Variants in PES1 observed in about 807,000 individuals in gnomAD.
The protein encoded by PES1 is pescadillo homolog.
A neutral mutation model predicts 77.1 loss-of-function variants in PES1; 31 were observed. That is an observed-to-expected ratio of 0.40 (90% confidence interval 0.30 to 0.54). The LOEUF is 0.54. PES1 is among the 20% of genes least tolerant of loss of function. The pLI is 0.45. For synonymous variants in PES1, 282 were observed against 303.0 expected (o/e 0.93, Z 0.72); for missense variants, 658 against 771.7 (o/e 0.85, Z 1.75).
intron 4 of PES1, among the ~76,000 whole-genome samples, chr22:30,586,691 C>G (rs1000268704): frequency 1.3e-5 from 2 of 152,142 alleles, no homozygotes; most frequent in Non-Finnish European, 2.9e-5. Context: ...AGGCTGAGTG[C>G]GGTGACTCAC....
Position 30,579,272 on chromosome 22 carries a change from TTCC to T in PES1, c.1383_1385del (p.Glu463del), listed in dbSNP as rs769114081. The T allele has an allele frequency of 1.9e-5, 30 of 1,601,440 alleles. No homozygotes were observed. The highest frequency in any genetic ancestry group is 1.7e-4 in the African/African-American group (13 of 74,926). The stretch of plus-strand genomic sequence containing the variant: ...CATCACCTTCGTTGTTGTCGTCCTC[TTCC>T]TCCTCCTCTTCTGACTCATTCAGGT... On this transcript the variant is annotated inframe_deletion, in exon 13 of 15. Transcript: ENST00000354694.
At position 30,581,421 on chromosome 22, in the gene PES1, G is replaced by C. The variant is rs376693113; in HGVS notation, c.748-13C>G. The C allele has an allele frequency of 4.3e-6, 7 of 1,613,420 alleles. No homozygotes were observed. In the African/African-American group the frequency reaches 6.7e-5, roughly 15 times the overall value. ...CCTGACCCTCGAGCTAGTAGGCAAA[G>C]GGAAGGTCAGGAGGCAGAGGACAGC... On this transcript the variant is annotated splice_polypyrimidine_tract_variant and intron_variant, in intron 7 of 14. Coordinates refer to ENST00000354694, the MANE Select transcript of PES1 (RefSeq NM_014303.4).
chr22:30,599,697 C>A (rs997441052), intron 2 of PES1, among the ~76,000 whole-genome samples: 1 of 150,350 alleles, frequency 6.7e-6, no homozygotes, highest in African/African-American at 2.5e-5. Context: ...GTTGGGAGAT[C>A]AAGACCAGCC....
At chr22:30,605,684 C>T (rs1351394543) in intron 1 of PES1, among the ~76,000 whole-genome samples, 1 of 152,194 alleles carries the variant, frequency 6.6e-6, no homozygotes, top group Non-Finnish European at 1.5e-5. Context: ...CACTGGCCTC[C>T]CTCCTTCCTC....
chr22:30,593,889 CAG>C (rs2087220056), upstream of PES1, among the ~76,000 whole-genome samples: 1 of 152,202 alleles, frequency 6.6e-6, no homozygotes, highest in African/African-American at 2.4e-5. Flanking sequence ...AGTCTGGTTT[CAG>C]AGTCCTCTGC....
rs1168831242 is a variant in PES1 at position 30,580,645 on chromosome 22, G to A, written c.969C>T (p.His323=). The A allele has an allele frequency of 1.2e-6, 2 of 1,613,586 alleles. No homozygotes were observed. Among genetic ancestry groups the A allele is most frequent in the Non-Finnish European group, 8.5e-7 (1 of 1,180,040 alleles). The change falls in exon 10 of 15, where the codon CAC becomes CAT. Residue 323 remains histidine (H), a synonymous_variant. Coordinates refer to ENST00000354694, the MANE Select transcript of PES1 (RefSeq NM_014303.4). ...RRKELEAQEK[H]KKLFEGLKFF... ...ACTTCAGGCCCTCAAAAAGCTTCTTGTGCTTCTCCTGCGCCTCCAGCTCCT... is the reference window on the plus strand; with the variant it reads ...ACTTCAGGCCCTCAAAAAGCTTCTTATGCTTCTCCTGCGCCTCCAGCTCCT...
intron 12 of PES1, 81 bp from the exon 13 acceptor site, chr22:30,579,384 C>T (rs2086947998): frequency 1.3e-6 from 2 of 1,586,238 alleles, no homozygotes; most frequent in Admixed American, 3.4e-5. Context: ...AGGCCCCATC[C>T]TCTCTGACCC....
At chr22:30,606,687 C>G (rs1412491519) in intron 1 of PES1, 1 of 144,744 alleles carries the variant, frequency 6.9e-6, no homozygotes, top group Non-Finnish European at 1.5e-5. Flanking sequence ...AACTCCCCCC[C>G]CCCACCGAAC....
chr22:30,593,074 T>A (rs16988810), upstream of PES1, among the ~76,000 whole-genome samples: 25,555 of 152,146 alleles, frequency 0.17, 2,262 homozygotes, highest in African/African-American at 0.19. Context: ...GCCCAAGGAC[T>A]TGGTCTTAGA....
chr22:30,605,530 A>G, intron 1 of PES1: 1 of 975,558 alleles, frequency 1.0e-6, no homozygotes, highest in Non-Finnish European at 1.2e-6. Flanking sequence ...GGAAATAGGA[A>G]TCATAATAGT....
chr22:30,581,168 G>A, intron 8 of PES1, 67 bp from the exon 9 acceptor site: 5 of 1,424,106 alleles, frequency 3.5e-6, no homozygotes, highest in Admixed American at 3.6e-5. Flanking sequence ...GGGTGGGGAG[G>A]GGCAGCAGTG....
chr22:30,577,277 T>C (rs1377648705), intron 14 of PES1, 148 bp from the exon 15 acceptor site: 3 of 678,608 alleles, frequency 4.4e-6, no homozygotes, highest in African/African-American at 1.8e-5. Context: ...ACCCACTTCA[T>C]GGTGAGAAAA....
intron 2 of PES1, chr22:30,598,210 T>C (rs2087294795): frequency 6.6e-6 from 1 of 151,916 alleles, no homozygotes; most frequent in Non-Finnish European, 1.5e-5. Flanking sequence ...ACTGGGAAGG[T>C]CTATGGCTTC....
chr22:30,605,287 C>T, intron 2 of PES1: 1 of 190,978 alleles, frequency 5.2e-6, no homozygotes, highest in Non-Finnish European at 9.7e-6. Flanking sequence ...AGGCATGAGC[C>T]ACCAGTATTT....
intron 4 of PES1, 27 bp from the exon 5 acceptor site, chr22:30,584,744 G>T (rs764586741): frequency 2.2e-5 from 35 of 1,611,202 alleles, no homozygotes; most frequent in Non-Finnish European, 2.8e-5. Context: ...GCAGCACATG[G>T]GGCCTGTTCA....
intron 2 of PES1, chr22:30,605,410 C>T: frequency 1.0e-6 from 1 of 977,392 alleles, no homozygotes; most frequent in Non-Finnish European, 1.2e-6. Flanking sequence ...GACACCCTAA[C>T]TACCTTGGGG....
At chr22:30,583,933 C>A (rs911853205) in intron 6 of PES1, among the ~76,000 whole-genome samples, 2 of 152,344 alleles carry the variant, frequency 1.3e-5, no homozygotes, top group East Asian at 1.9e-4. Context: ...TGGCAGCTAT[C>A]GGCAGCAAAG....
intron 2 of PES1, among the ~76,000 whole-genome samples, chr22:30,597,059 C>T (rs566220414): frequency 7.9e-5 from 12 of 152,322 alleles, no homozygotes; most frequent in East Asian, 3.9e-4. Context: ...GGCCCACCGG[C>T]GCTGCGCTCA....
Position 30,578,754 on chromosome 22 carries a change from G to A in PES1, c.1683+83C>T, listed in dbSNP as rs559173887. 3.6e-5 allele frequency: 52 copies of A among 1,443,286 alleles called. No homozygotes were observed. The African/African-American group carries it at 6.1e-4, about 17-fold the overall frequency. 89.4% of individuals were successfully genotyped at this position (1,443,286 alleles called of 1,614,324 possible). A position where few individuals can be genotyped will look rare whatever the true frequency, so the allele number is the denominator to read the frequency against. ...TAGGAGAGCCTCAGTCTGCCTAGAG[G>A]AGGGCCCCAAGCCACATAAGTTCAC... On this transcript the variant is annotated intron_variant, in intron 14 of 14. Coordinates refer to ENST00000354694, the MANE Select transcript of PES1 (RefSeq NM_014303.4).
Sources: allele counts gnomAD v4.1 joint callset (sites outside exome capture counted in the v4.1 genomes callset), GRCh38; gene constraint gnomAD v4.1.1; transcripts MANE v1.5; gene names NCBI Gene and HGNC (gene_info 2026-07-23, HGNC 2026-07-21).